The following PTPRG variants were observed in gnomAD, a reference collection of about 807,000 sequenced individuals.
PTPRG encodes receptor-type tyrosine-protein phosphatase gamma.
PTPRG carries 102 observed loss-of-function variants against 165.3 expected under a neutral mutation model. That is an observed-to-expected ratio of 0.62 (90% CI 0.53 to 0.73). The LOEUF (loss-of-function observed/expected upper bound fraction) is 0.73. Ranked by LOEUF, PTPRG falls within the 30% of genes least tolerant of loss-of-function variation. The pLI is 0.00. For synonymous variants in PTPRG, 675 were observed against 669.5 expected (o/e 1.01, Z -0.13); for missense variants, 1,866 against 1,861.4 (o/e 1.00, Z -0.05).
intron 7 of PTPRG, among the ~76,000 whole-genome samples, chr3:62,166,407 G>A (rs1007306120): frequency 1.3e-5 from 2 of 150,826 alleles, no homozygotes; most frequent in African/African-American, 4.9e-5. Flanking sequence ...CACAATCTCG[G>A]TGCACTGCAG....
intron 5 of PTPRG, chr3:62,118,227 A>G (rs898766239): frequency 3.3e-5 from 5 of 152,386 alleles, no homozygotes; most frequent in Admixed American, 2.6e-4. Context: ...TTTGCAGGCC[A>G]TGAGCTCTCT....
intron 5 of PTPRG, among the ~76,000 whole-genome samples, chr3:62,086,269 A>C (rs1701750171): frequency 7.1e-6 from 1 of 141,096 alleles, no homozygotes. Flanking sequence ...CTATCGTGTT[A>C]TGGTTTTAAT....
rs1457341143 is a variant in PTPRG at position 61,938,375 on chromosome 3, T to C, written c.191-51250T>C. On this transcript the variant is annotated intron_variant, in intron 2 of 29. Coordinates refer to ENST00000474889, the MANE Select transcript of PTPRG (RefSeq NM_002841.4). ...CATTTGCACCATCTTATCCTGCAAA[T>C]TAGTAACTTTCTGATCTGGAAAAGG... Among the ~76,000 whole-genome samples, 4 of 152,230 alleles carry C rather than the reference T, an allele frequency of 2.6e-5. No homozygotes were observed. In the South Asian group the frequency reaches 6.2e-4, roughly 24 times the overall value.
intron 28 of PTPRG, among the ~76,000 whole-genome samples, chr3:62,286,816 G>A (rs1702681958): frequency 6.6e-6 from 1 of 152,078 alleles, no homozygotes; most frequent in Non-Finnish European, 1.5e-5. Context: ...CCAAGTCCCT[G>A]TAGTTTTAAA....
At chr3:61,738,971 CTTTTTTTTTTTTTTTTTTTGT>C (rs1022801249) in intron 1 of PTPRG, among the ~76,000 whole-genome samples, 2 of 43,684 alleles carry the variant, frequency 4.6e-5, no homozygotes, top group Non-Finnish European at 9.1e-5. Flanking sequence ...TGCTCTGTTG[CTTTTTTTTTTTTTTTTTTTGT>C]TTTTTTTTTT....
intron 2 of PTPRG, among the ~76,000 whole-genome samples, chr3:61,947,298 T>C (rs911844993): frequency 2.6e-5 from 4 of 152,210 alleles, no homozygotes; most frequent in Admixed American, 1.3e-4. Flanking sequence ...CAACAATTTA[T>C]GAAACCAGTT....
chr3:62,162,653 T>C (rs1472971789), intron 7 of PTPRG, among the ~76,000 whole-genome samples: 2 of 152,224 alleles, frequency 1.3e-5, no homozygotes, highest in Non-Finnish European at 2.9e-5. Flanking sequence ...TAGATAGATG[T>C]ATGTTGCTGA....
At chr3:61,664,618 C>T (rs868594059) in intron 1 of PTPRG, among the ~76,000 whole-genome samples, 1 of 152,088 alleles carries the variant, frequency 6.6e-6, no homozygotes, top group African/African-American at 2.4e-5. Context: ...CACTTTGAGC[C>T]CAAGAGTTCC....
intron 5 of PTPRG, among the ~76,000 whole-genome samples, chr3:62,121,862 T>A (rs148867238): frequency 2.6e-5 from 4 of 152,192 alleles, no homozygotes; most frequent in African/African-American, 9.7e-5. Flanking sequence ...GGGAACAAAC[T>A]TTCTGGTTTT....
chr3:61,640,696 A>T (rs1047432822), intron 1 of PTPRG, among the ~76,000 whole-genome samples: 6 of 152,196 alleles, frequency 3.9e-5, no homozygotes, highest in African/African-American at 1.2e-4. Context: ...ATGGACTTTC[A>T]GGTTTAAAGA....
At chr3:62,098,217 A>G (rs997537664) in intron 5 of PTPRG, among the ~76,000 whole-genome samples, 7 of 152,182 alleles carry the variant, frequency 4.6e-5, no homozygotes, top group Admixed American at 2.0e-4. Context: ...TTCTAGATTT[A>G]TAAATTCAGC....
intron 2 of PTPRG, among the ~76,000 whole-genome samples, chr3:61,874,800 C>T (rs188451567): frequency 2.2e-4 from 34 of 152,256 alleles, no homozygotes; most frequent in Admixed American, 1.5e-3. Context: ...GAGGATGAGA[C>T]GCCCTGCCCT....
chr3:62,270,285 G>A (rs1323594390), intron 20 of PTPRG, among the ~76,000 whole-genome samples: 1 of 151,726 alleles, frequency 6.6e-6, no homozygotes, highest in Non-Finnish European at 1.5e-5. Context: ...ACATTTTTAT[G>A]TAAAATTTCA....
chr3:61,981,521 G>T (rs916822321), intron 2 of PTPRG, among the ~76,000 whole-genome samples: 1 of 152,206 alleles, frequency 6.6e-6, no homozygotes, highest in East Asian at 1.9e-4. Flanking sequence ...GTTCCTAGAG[G>T]AAAGTATGGA....
At chr3:61,616,247 C>T (rs926378020) in intron 1 of PTPRG, among the ~76,000 whole-genome samples, 5 of 152,138 alleles carry the variant, frequency 3.3e-5, no homozygotes, top group African/African-American at 9.7e-5. Context: ...CCACCATGCC[C>T]GGCTGAGAAT....
chr3:62,127,992 T>C (rs138858476), intron 5 of PTPRG, among the ~76,000 whole-genome samples: 13 of 152,342 alleles, frequency 8.5e-5, no homozygotes, highest in East Asian at 1.9e-4. Context: ...TTAGATTTCA[T>C]GAGCGTTTAT....
chr3:62,081,298 A>C (rs560974307), intron 5 of PTPRG, among the ~76,000 whole-genome samples: 16 of 151,756 alleles, frequency 1.1e-4, no homozygotes, highest in East Asian at 1.9e-4. Flanking sequence ...ACAAACAAAA[A>C]CATAATTTTA....
At chr3:61,747,175 C>G (rs1414502698) in intron 1 of PTPRG, among the ~76,000 whole-genome samples, 1 of 152,156 alleles carries the variant, frequency 6.6e-6, no homozygotes, top group Non-Finnish European at 1.5e-5. Flanking sequence ...GTTAGGTGCT[C>G]TGCTCACCAT....
chr3:62,106,557 G>A (rs1161669519), intron 5 of PTPRG, among the ~76,000 whole-genome samples: 7 of 149,342 alleles, frequency 4.7e-5, no homozygotes, highest in African/African-American at 1.7e-4. Context: ...CTGGGGTGCA[G>A]TGACGCAATC....
Sources: allele counts gnomAD v4.1 joint callset (sites outside exome capture counted in the v4.1 genomes callset), GRCh38; gene constraint gnomAD v4.1.1; transcripts MANE v1.5; gene names NCBI Gene and HGNC (gene_info 2026-07-23, HGNC 2026-07-21).